The following HTR7 variants were observed in gnomAD, a reference collection of about 807,000 sequenced individuals.
HTR7 encodes the protein 5-hydroxytryptamine receptor 7, also known as 5-HT-7.
HTR7 carries 16 observed loss-of-function variants against 34.0 expected under a neutral mutation model. The observed-to-expected ratio is 0.47, with a 90% CI of 0.32 to 0.71. The LOEUF is 0.71. Ranked by LOEUF, HTR7 falls within the 30% of genes least tolerant of loss-of-function variation. The pLI, the probability that HTR7 is intolerant of heterozygous loss-of-function variation, is 0.04. For synonymous variants in HTR7, 265 were observed against 260.2 expected, an observed-to-expected ratio of 1.02 and a Z score of -0.18; for missense variants, 504 against 625.5, an observed-to-expected ratio of 0.81 and a Z score of 2.07.
At chr10:90,774,853 C>A (rs979928333) in intron 1 of HTR7, among the ~76,000 whole-genome samples, 8 of 152,154 alleles carry the variant, frequency 5.3e-5, no homozygotes, top group African/African-American at 1.9e-4. Flanking sequence ...CCTTTTCAGC[C>A]CTCCACTCAT....
At position 90,795,333 on chromosome 10, in the gene HTR7, A is replaced by G. The variant is rs1056171448; in HGVS notation, c.540-45739T>C. Among the ~76,000 whole-genome samples the G allele has an allele frequency of 3.9e-5, 6 of 152,248 alleles. No homozygotes were observed. The South Asian group carries it at 1.2e-3, about 31-fold the overall frequency. ...AAACAAGATAGGAAACTATAACTAC[A>G]GCACAAACTCACTTTTCATAAACAT... On this transcript the variant is annotated intron_variant, in intron 1 of 3. Coordinates refer to ENST00000336152, the MANE Select transcript of HTR7 (RefSeq NM_019859.4).
chr10:90,811,018 G>T (rs1845798987), intron 1 of HTR7, among the ~76,000 whole-genome samples: 1 of 152,020 alleles, frequency 6.6e-6, no homozygotes, highest in Non-Finnish European at 1.5e-5. Flanking sequence ...CTCACAAAAA[G>T]AAACCTAGCT....
rs547737783 is a variant in HTR7, at chr10:90,782,139, AATTCCACAGAC to A, written c.540-32556_540-32546del. Among the ~76,000 whole-genome samples, 322 of 152,236 alleles carry A rather than the reference AATTCCACAGAC, an allele frequency of 2.1e-3. 1 individual carries two copies. The highest frequency in any genetic ancestry group is 0.01 in the Middle Eastern group (3 of 294). On this transcript the variant is annotated intron_variant, in intron 1 of 3. Transcript: ENST00000336152. ...CCCTAGCAGAGTTCATGGCACCTCC[AATTCCACAGAC>A]ATGGGCGAGAGACTGCACTCAATGC...
chr10:90,826,811 C>A (rs1846083215), intron 1 of HTR7, among the ~76,000 whole-genome samples: 1 of 151,906 alleles, frequency 6.6e-6, no homozygotes, highest in Admixed American at 6.6e-5. Flanking sequence ...GTGGCGGGTG[C>A]CTGTGGTCCC....
chr10:90,792,979 A>G (rs956366674), intron 1 of HTR7, among the ~76,000 whole-genome samples: 1 of 152,166 alleles, frequency 6.6e-6, no homozygotes, highest in Admixed American at 6.5e-5. Context: ...AAGCTTCATA[A>G]CATTGGATTT....
chr10:90,768,064 T>G (rs7923820), intron 1 of HTR7, among the ~76,000 whole-genome samples: 2,214 of 152,266 alleles, frequency 0.015, 71 homozygotes, highest in African/African-American at 0.051. Context: ...TCCAAATATA[T>G]CATCTCCACA....
At chr10:90,744,930 AAG>A (rs1844611362) in intron 2 of HTR7, among the ~76,000 whole-genome samples, 1 of 152,210 alleles carries the variant, frequency 6.6e-6, no homozygotes, top group Non-Finnish European at 1.5e-5. Flanking sequence ...TTTACAAAAA[AAG>A]TCCTCTTCAC....
chr10:90,743,572 C>T (rs1844587245), intron 3 of HTR7, 21 bp downstream of exon 3: 1 of 1,581,882 alleles, frequency 6.3e-7, no homozygotes, highest in African/African-American at 1.3e-5. Context: ...TCTCCAAAGT[C>T]TCCCTTTCCT....
chr10:90,789,382 G>T (rs1845431158), intron 1 of HTR7, among the ~76,000 whole-genome samples: 1 of 152,100 alleles, frequency 6.6e-6, no homozygotes, highest in African/African-American at 2.4e-5. Context: ...AAATAACAAG[G>T]TCTCTGGTTT....
intron 1 of HTR7, among the ~76,000 whole-genome samples, chr10:90,831,412 G>A (rs575411164): frequency 8.5e-5 from 13 of 152,140 alleles, no homozygotes; most frequent in South Asian, 2.1e-4. Context: ...TGTTCCTCCC[G>A]GTGGGTTCGT....
At chr10:90,774,863 T>C (rs1034546071) in intron 1 of HTR7, among the ~76,000 whole-genome samples, 3 of 152,158 alleles carry the variant, frequency 2.0e-5, no homozygotes, top group Admixed American at 1.3e-4. Context: ...CCTCCACTCA[T>C]AGCGCAGTGG....
chr10:90,743,756 C>A (rs769003462), intron 2 of HTR7, 66 bp from the exon 3 acceptor site: 34 of 1,218,404 alleles, frequency 2.8e-5, no homozygotes, highest in African/African-American at 4.5e-5. Context: ...AAAAAGAATC[C>A]TTGATTATAT....
At chr10:90,788,083 G>GT (rs2119870083) in intron 1 of HTR7, among the ~76,000 whole-genome samples, 1 of 152,222 alleles carries the variant, frequency 6.6e-6, no homozygotes, top group East Asian at 1.9e-4. Context: ...AACAGTGGGT[G>GT]TTAGCACCAT....
At chr10:90,819,986 T>TC (rs764370489) in intron 1 of HTR7, among the ~76,000 whole-genome samples, 6 of 152,330 alleles carry the variant, frequency 3.9e-5, no homozygotes, top group Middle Eastern at 3.4e-3. Context: ...TAAATGCTCT[T>TC]AAGTAAATTT....
chr10:90,785,443 G>C (rs1399234362), intron 1 of HTR7, among the ~76,000 whole-genome samples: 1 of 151,830 alleles, frequency 6.6e-6, no homozygotes, highest in East Asian at 1.9e-4. Flanking sequence ...GTAGAGTCTA[G>C]GGGATTTTCA....
At chr10:90,799,341 G>GAATC (rs1845589850) in intron 1 of HTR7, among the ~76,000 whole-genome samples, 1 of 22,938 alleles carries the variant, frequency 4.4e-5, no homozygotes. Flanking sequence ...GGCTCTGCAT[G>GAATC]AATGAATGAA....
intron 1 of HTR7, among the ~76,000 whole-genome samples, chr10:90,804,436 T>C (rs1236778333): frequency 6.6e-6 from 1 of 152,286 alleles, no homozygotes; most frequent in African/African-American, 2.4e-5. Context: ...TTCCAGAGGT[T>C]GTGGGCAACT....
chr10:90,778,219 G>C lies in HTR7; in HGVS notation c.540-28625C>G, dbSNP rs193183253. Among the ~76,000 whole-genome samples the C allele has an allele frequency of 9.4e-4, 143 of 152,292 alleles. 1 individual carries two copies. Among genetic ancestry groups the C allele is most frequent in the African/African-American group, 3.2e-3 (134 of 41,568 alleles). ...ATGTTGAAATTTAATCCCCAGTGTG[G>C]CAGTATTGAAAGGTCCGGCCTTTAA... On this transcript the variant is annotated intron_variant, in intron 1 of 3. Transcript: ENST00000336152.
chr10:90,743,712 A>C (rs773581503), intron 2 of HTR7, 22 bp from the exon 3 acceptor site: 32 of 1,536,596 alleles, frequency 2.1e-5, no homozygotes, highest in Non-Finnish European at 2.9e-5. Flanking sequence ...GGCAATTCAA[A>C]GCAAATCCAT....
Sources: allele counts gnomAD v4.1 joint callset (sites outside exome capture counted in the v4.1 genomes callset), GRCh38; gene constraint gnomAD v4.1.1; transcripts MANE v1.5; gene names NCBI Gene and HGNC (gene_info 2026-07-23, HGNC 2026-07-21).